Variants in KRT86 observed in about 807,000 individuals in gnomAD.
The protein encoded by KRT86 is keratin, type II cuticular Hb6.
A neutral mutation model predicts 41.2 loss-of-function variants in KRT86; 30 were observed. The observed-to-expected ratio is 0.73, with a 90% CI of 0.54 to 0.99. KRT86 has a LOEUF of 0.99. Among genes scored for constraint, KRT86 ranks in the 50% least tolerant of loss-of-function variants. The pLI is 0.00. For missense variants in KRT86, 561 were observed against 571.4 expected (o/e 0.98, Z 0.19); for synonymous variants, 238 against 238.1 (o/e 1.00, Z 0.00).
chr12:52,301,278 A>G (rs1174073958), intron 2 of KRT86, among the ~76,000 whole-genome samples: 2 of 151,954 alleles, frequency 1.3e-5, no homozygotes, highest in Non-Finnish European at 2.9e-5. Flanking sequence ...AAACATGTTG[A>G]TAGGTATAGA....
intron 2 of KRT86, among the ~76,000 whole-genome samples, chr12:52,301,516 A>C (rs1019007955): frequency 6.6e-6 from 1 of 152,142 alleles, no homozygotes; most frequent in Non-Finnish European, 1.5e-5. Flanking sequence ...CCCGCAGGAC[A>C]GAAAGAGCAG....
intron 2 of KRT86, among the ~76,000 whole-genome samples, chr12:52,276,536 G>A (rs868363174): frequency 1.4e-4 from 21 of 152,132 alleles, no homozygotes; most frequent in Non-Finnish European, 5.9e-5. Context: ...TATTATCCTT[G>A]TAGAAGAGAA....
chr12:52,286,086 A>C (rs1239985611), intron 2 of KRT86: 1 of 666,116 alleles, frequency 1.5e-6, no homozygotes, highest in East Asian at 2.7e-5. Context: ...GTGGGGTGGC[A>C]GAGCCCAGAA....
At chr12:52,294,062 A>C (rs1205709038) in intron 2 of KRT86, among the ~76,000 whole-genome samples, 1 of 152,146 alleles carries the variant, frequency 6.6e-6, no homozygotes, top group African/African-American at 2.4e-5. Flanking sequence ...CTATCTGGTC[A>C]CCCCAGAGAA....
At position 52,308,812 on chromosome 12, in the gene KRT86, A is replaced by G. The variant is rs548333894; in HGVS notation, c.*227A>G. 4.7e-5 allele frequency: 27 copies of G among 571,718 alleles called. No individual in the cohort carries two copies. Among genetic ancestry groups the G allele is most frequent in the Non-Finnish European group, 7.8e-5 (25 of 322,194 alleles). The allele number at this position is 571,718 out of a possible 1,614,324, so 35.4% of individuals were successfully genotyped here. A position where few individuals can be genotyped will look rare whatever the true frequency, so the allele number is the denominator to read the frequency against. The stretch of plus-strand genomic sequence containing the variant: ...TCTCTGTAGCCTTTCCTGGTAGTCA[A>G]TTTGTTGTCCCGAGGATTCATCTTT... On this transcript the variant is annotated 3_prime_UTR_variant, in exon 11 of 11. Coordinates refer to ENST00000423955, the MANE Select transcript of KRT86 (RefSeq NM_001320198.2).
chr12:52,302,126 G>C lies in KRT86; in HGVS notation c.210G>C (p.Val70=). 1.9e-6 allele frequency: 3 copies of C among 1,539,768 alleles called. No individual in the cohort carries two copies. Among genetic ancestry groups the C allele is most frequent in the Non-Finnish European group, 2.6e-6 (3 of 1,140,996 alleles). ...GCTTCGGCTACCGCTCCGGGGGCGT[G>C]TGCGGGCCCAGTCCCCCATGCATCA... The part of the protein sequence containing the change: ...GRSFGYRSGG[V]CGPSPPCITT... The change falls in exon 3 of 11, where the codon GTG becomes GTC. Residue 70 remains valine, a synonymous_variant. Transcript: ENST00000423955.
intron 2 of KRT86, chr12:52,291,634 G>A (rs969817981): frequency 2.9e-6 from 3 of 1,029,604 alleles, no homozygotes; most frequent in Non-Finnish European, 4.2e-6. Flanking sequence ...GGCTTGGGTG[G>A]TTAGCCGGGT....
chr12:52,299,111 C>A (rs1938314213), intron 2 of KRT86, among the ~76,000 whole-genome samples: 1 of 152,190 alleles, frequency 6.6e-6, no homozygotes, highest in Admixed American at 6.5e-5. Flanking sequence ...CTCCCCATTA[C>A]CCTTCCCAGC....
chr12:52,284,143 G>A (rs1937848188), intron 2 of KRT86, among the ~76,000 whole-genome samples: 1 of 152,184 alleles, frequency 6.6e-6, no homozygotes, highest in Non-Finnish European at 1.5e-5. Context: ...TGGTGCTTGA[G>A]TCTCAGGTCT....
In KRT86 at chr12:52,297,178, C is replaced by T. The variant is rs180996201; in HGVS notation, c.-4-4735C>T. 6.5e-4 allele frequency among the ~76,000 whole-genome samples: 99 copies of T among 152,308 alleles called. 1 individual carries two copies. The highest frequency in any genetic ancestry group is 1.7e-3 in the South Asian group (8 of 4,828). ...CTTGTCCTCACCCTTTCCAGGGAGC[C>T]TTTCTTGCCTTTCCCATCAGACTAG... On this transcript the variant is annotated intron_variant, in intron 2 of 10. Transcript: ENST00000423955.
chr12:52,291,310 T>C (rs1413156302), intron 2 of KRT86: 5 of 1,545,816 alleles, frequency 3.2e-6, no homozygotes, highest in East Asian at 2.4e-5. Flanking sequence ...CCCGAAAGCC[T>C]CCGCACACGC....
intron 2 of KRT86, among the ~76,000 whole-genome samples, chr12:52,298,875 A>T (rs1938309313): frequency 6.6e-6 from 1 of 152,160 alleles, no homozygotes; most frequent in Non-Finnish European, 1.5e-5. Flanking sequence ...ATATTTTGAG[A>T]TAAGCATAAA....
rs112103702 is a variant in KRT86 at position 52,285,900 on chromosome 12, C to G, written c.-5+9954C>G. 326 of 359,384 alleles carry G rather than the reference C, an allele frequency of 9.1e-4. 3 individuals are homozygous for G. Among genetic ancestry groups the G allele is most frequent in the African/African-American group, 5.8e-3 (278 of 47,676 alleles). 22.3% of individuals were successfully genotyped at this position (359,384 alleles called of 1,614,324 possible). On this transcript the variant is annotated intron_variant, in intron 2 of 10. Coordinates refer to ENST00000423955, the MANE Select transcript of KRT86 (RefSeq NM_001320198.2). ...CCCTGAGGAGGGTAATAGAGACACA[C>G]ACAAGACCCAGGTTGGCTACATTAA... is the stretch of plus-strand genomic sequence containing the variant.
At position 52,287,739 on chromosome 12, in the gene KRT86, G is replaced by A. The variant is rs375291221; in HGVS notation, c.-5+11793G>A. 59 of 1,613,924 alleles carry A rather than the reference G, an allele frequency of 3.7e-5. No homozygotes were observed. In the Admixed American group the frequency reaches 9.8e-4, roughly 27 times the overall value. On this transcript the variant is annotated intron_variant, in intron 2 of 10. Transcript: ENST00000423955. The stretch of plus-strand genomic sequence containing the variant: ...TCCTCACACTGGGGGAAGTAGAGAT[G>A]CTCATGAGGTTCAGGGTGGGACCTC...
chr12:52,296,620 C>T (rs1003117010), intron 2 of KRT86, among the ~76,000 whole-genome samples: 1 of 151,950 alleles, frequency 6.6e-6, no homozygotes, highest in Non-Finnish European at 1.5e-5. Context: ...AATTGGCCAG[C>T]GTCCTGGGCT....
rs4761784 is a variant in KRT86, at chr12:52,287,296, G to A, written c.-5+11350G>A. On this transcript the variant is annotated intron_variant, in intron 2 of 10. Coordinates refer to ENST00000423955, the MANE Select transcript of KRT86 (RefSeq NM_001320198.2). ...CCGCCTCACCCTGCTGCTCAGACTG[G>A]GCCACCGCGGCCTCCAGCTTGGAGT... The A allele has an allele frequency of 0.3, 483,431 of 1,613,132 alleles. 74,411 individuals are homozygous for A. The highest frequency in any genetic ancestry group is 0.39 in the East Asian group (17,366 of 44,852).
rs556217356 is a variant in KRT86 at position 52,304,787 on chromosome 12, G to C, written c.640-145G>C. The C allele has an allele frequency of 9.0e-4, 856 of 950,332 alleles. 4 individuals are homozygous for C. In the African/African-American group the frequency reaches 0.012, roughly 13 times the overall value. 58.9% of individuals were successfully genotyped at this position (950,332 alleles called of 1,614,324 possible). A position where few individuals can be genotyped will look rare whatever the true frequency, so the allele number is the denominator to read the frequency against. On this transcript the variant is annotated intron_variant, in intron 5 of 10. Coordinates refer to ENST00000423955, the MANE Select transcript of KRT86 (RefSeq NM_001320198.2). ...GGCAGAGGATGCCAGGTCACCCCGG[G>C]AAGGGCCAGAAGGGAAGGAGAGGGC...
chr12:52,278,443 T>TTTG (rs1464504217), intron 2 of KRT86, among the ~76,000 whole-genome samples: 4 of 150,690 alleles, frequency 2.7e-5, no homozygotes, highest in Admixed American at 6.6e-5. Context: ...GTGTAGTTTT[T>TTTG]TTTTTTTTTT....
intron 2 of KRT86, among the ~76,000 whole-genome samples, chr12:52,301,282 G>A (rs1187771383): frequency 2.6e-5 from 4 of 152,002 alleles, no homozygotes; most frequent in Admixed American, 2.0e-4. Context: ...ATGTTGATAG[G>A]TATAGATAAG....
Sources: allele counts gnomAD v4.1 joint callset (sites outside exome capture counted in the v4.1 genomes callset), GRCh38; gene constraint gnomAD v4.1.1; transcripts MANE v1.5; gene names NCBI Gene and HGNC (gene_info 2026-07-23, HGNC 2026-07-21).